Variants in FRAS1 observed in about 807,000 individuals in gnomAD.
FRAS1 encodes the protein extracellular matrix organizing protein FRAS1.
Under a neutral mutation model 435.2 loss-of-function variants are expected in FRAS1, and 290 were observed. The ratio of observed to expected loss-of-function variants is 0.67; its 90% confidence interval spans 0.61 to 0.73. The LOEUF (loss-of-function observed/expected upper bound fraction) is 0.73. Among genes scored for constraint, FRAS1 ranks in the 30% least tolerant of loss-of-function variants. The pLI is 0.00. For missense variants in FRAS1, 4,860 were observed against 5,001.5 expected, an observed-to-expected ratio of 0.97 and a Z score of 0.85; for synonymous variants, 1,800 against 1,851.0, an observed-to-expected ratio of 0.97 and a Z score of 0.71.
At chr4:78,349,940 G>A (rs1192514935) in intron 20 of FRAS1, among the ~76,000 whole-genome samples, 1 of 18,264 alleles carries the variant, frequency 5.5e-5, no homozygotes, top group East Asian at 7.6e-4. Flanking sequence ...ATCAACTAAT[G>A]AGCAAAATCA....
At chr4:78,432,709 GT>G in intron 38 of FRAS1, 105 bp downstream of exon 38, 2 of 1,306,634 alleles carry the variant, frequency 1.5e-6, no homozygotes, top group Admixed American at 5.6e-5. Flanking sequence ...CAGGTATATG[GT>G]CACGTAAAGA....
intron 2 of FRAS1, among the ~76,000 whole-genome samples, chr4:78,138,657 C>T (rs548741786): frequency 1.1e-4 from 17 of 152,208 alleles, no homozygotes; most frequent in African/African-American, 4.1e-4. Flanking sequence ...GTTTCTGTGA[C>T]TATAAATGAT....
At chr4:78,365,737 TAAA>T (rs531246410) in intron 22 of FRAS1, among the ~76,000 whole-genome samples, 23,856 of 132,200 alleles carry the variant, frequency 0.18, 2,681 homozygotes, top group East Asian at 0.36. Flanking sequence ...TCTAGTACAT[TAAA>T]AAAAAAAAAA....
chr4:78,339,842 G>A (rs977296632), intron 20 of FRAS1, among the ~76,000 whole-genome samples: 1 of 152,176 alleles, frequency 6.6e-6, no homozygotes, highest in African/African-American at 2.4e-5. Context: ...TTGACTAAGG[G>A]TGTCTTAAGG....
chr4:78,064,922 G>A (rs1739930234), intron 1 of FRAS1, among the ~76,000 whole-genome samples: 2 of 151,714 alleles, frequency 1.3e-5, no homozygotes, highest in South Asian at 4.2e-4. Flanking sequence ...GTGTTTTGCA[G>A]ACTCAGTTTC....
intron 1 of FRAS1, among the ~76,000 whole-genome samples, chr4:78,064,797 A>C (rs1208462091): frequency 6.6e-6 from 1 of 151,932 alleles, no homozygotes; most frequent in Admixed American, 6.6e-5. Flanking sequence ...GACTTCATAA[A>C]TGATCCATTA....
intron 14 of FRAS1, among the ~76,000 whole-genome samples, chr4:78,287,738 C>G (rs985322769): frequency 9.2e-5 from 14 of 152,104 alleles, no homozygotes; most frequent in African/African-American, 3.4e-4. Context: ...ATATGCAGGT[C>G]CTATGTGGAG....
At chr4:78,132,960 A>C (rs1418333382) in intron 2 of FRAS1, among the ~76,000 whole-genome samples, 1 of 152,184 alleles carries the variant, frequency 6.6e-6, no homozygotes, top group Non-Finnish European at 1.5e-5. Flanking sequence ...CTGACTTCTC[A>C]GCCCTCCTTT....
chr4:78,123,056 C>T (rs1578139111), intron 2 of FRAS1, among the ~76,000 whole-genome samples: 1 of 152,174 alleles, frequency 6.6e-6, no homozygotes, highest in African/African-American at 2.4e-5. Context: ...TTGCCCATGC[C>T]TATGTCCTGA....
At chr4:78,213,925 T>C (rs1723628016) in intron 2 of FRAS1, among the ~76,000 whole-genome samples, 1 of 152,212 alleles carries the variant, frequency 6.6e-6, no homozygotes, top group South Asian at 2.1e-4. Flanking sequence ...TGTGTATAAT[T>C]CTTGGGTCTC....
chr4:78,252,576 A>T (rs1725595516), intron 5 of FRAS1, 25 bp downstream of exon 5: 1 of 1,599,138 alleles, frequency 6.3e-7, no homozygotes, highest in South Asian at 1.1e-5. Flanking sequence ...GTAGAAGGGG[A>T]CCCTCTTTGC....
chr4:78,369,886 C>G lies in FRAS1; in HGVS notation c.2771C>G (p.Ser924Cys). The change falls in exon 23 of 74, where the codon TCC becomes TGC. Residue 924 changes from serine to cysteine, a missense_variant. Ser to Cys is a moderately radical substitution (Grantham distance 112). Transcript: ENST00000512123. ...GSCDSQASCT[S>C]CRDPNKVLLF... ...TGTGATTCACAGGCCAGCTGTACCT[C>G]CTGCCGAGATCCAAACAAGGTTCTG... 1 of 1,613,624 alleles carries G rather than the reference C, an allele frequency of 6.2e-7. No homozygotes were observed.
chr4:78,187,944 T>C (rs1722344147), intron 2 of FRAS1, among the ~76,000 whole-genome samples: 1 of 152,160 alleles, frequency 6.6e-6, no homozygotes, highest in African/African-American at 2.4e-5. Flanking sequence ...TTTGATTTTA[T>C]GCGTCTGTTT....
Position 78,515,323 on chromosome 4 carries a change from C to CTT in FRAS1, c.10175-461_10175-460dup, listed in dbSNP as rs78491600. Among the ~76,000 whole-genome samples the CTT allele has an allele frequency of 5.5e-3, 756 of 136,362 alleles. 6 individuals are homozygous for CTT. Among genetic ancestry groups the CTT allele is most frequent in the African/African-American group, 0.013 (485 of 37,278 alleles). 89.5% of individuals were successfully genotyped at this position (136,362 alleles called of 152,430 possible). On this transcript the variant is annotated intron_variant, in intron 65 of 73. Transcript: ENST00000512123. Reference sequence around the variant, plus strand: ...AAGTAGTCAAATGTAGGTATGCTGGCTTTTTTTTTTTTTTTTGAGATGGGG... The same window carrying CTT: ...AAGTAGTCAAATGTAGGTATGCTGGCTTTTTTTTTTTTTTTTTTGAGATGGGG...
At chr4:78,246,844 T>TA (rs1341324950) in intron 4 of FRAS1, among the ~76,000 whole-genome samples, 15 of 152,162 alleles carry the variant, frequency 9.9e-5, no homozygotes. Context: ...AATGACATCA[T>TA]ATGCTCTCTC....
chr4:78,284,610 T>G (rs1360167219), intron 13 of FRAS1, 62 bp downstream of exon 13: 1 of 1,471,330 alleles, frequency 6.8e-7, no homozygotes, highest in Admixed American at 2.3e-5. Flanking sequence ...CATCAAAGGT[T>G]GTGATTCTTA....
Position 78,446,809 on chromosome 4 carries a change from C to T in FRAS1, c.5939C>T (p.Ser1980Phe), listed in dbSNP as rs762464811. ...LSSGVVISNS[S>F]LSLQDLDTPD... ...TCGGGAGTGGTGATAAGCAATTCTT[C>T]TTTGAGCCTGCAAGACCTGGACACC... Residue 1980 changes from serine to phenylalanine, a missense_variant, in exon 43 of 74, where the codon TCT becomes TTT. By Grantham distance (155) the Ser-to-Phe change is radical (BLOSUM62 -2). Transcript: ENST00000512123. The T allele has an allele frequency of 3.1e-6, 5 of 1,613,168 alleles. No homozygotes were observed. The Admixed American group carries it at 5.0e-5, about 16-fold the overall frequency.
chr4:78,393,295 A>C (rs1258851484), intron 29 of FRAS1, among the ~76,000 whole-genome samples: 1 of 152,076 alleles, frequency 6.6e-6, no homozygotes, highest in Non-Finnish European at 1.5e-5. Flanking sequence ...GCACTATGCT[A>C]TATAGTAGGT....
At chr4:78,172,221 C>T (rs191605653) in intron 2 of FRAS1, among the ~76,000 whole-genome samples, 1 of 152,252 alleles carries the variant, frequency 6.6e-6, no homozygotes, top group East Asian at 1.9e-4. Context: ...TTACAGATTT[C>T]ATCTCCTGGC....
Sources: allele counts gnomAD v4.1 joint callset (sites outside exome capture counted in the v4.1 genomes callset), GRCh38; gene constraint gnomAD v4.1.1; transcripts MANE v1.5; gene names NCBI Gene and HGNC (gene_info 2026-07-23, HGNC 2026-07-21).